Variants in ATP6V1C2 observed in about 807,000 individuals in gnomAD.
ATP6V1C2 encodes the protein ATPase H+ transporting V1 subunit C2.
A neutral mutation model predicts 56.8 loss-of-function variants in ATP6V1C2; 45 were observed. The observed-to-expected ratio is 0.79, with a 90% confidence interval of 0.62 to 1.02. ATP6V1C2 has a LOEUF of 1.02. Ranked by LOEUF, ATP6V1C2 falls within the 50% of genes least tolerant of loss-of-function variation. ATP6V1C2 has a pLI of 0.00. For synonymous variants in ATP6V1C2, 220 were observed against 201.3 expected (o/e 1.09, Z -0.79); for missense variants, 463 against 519.7 (o/e 0.89, Z 1.06).
At chr2:10,727,094 G>A (rs1661687681) in intron 3 of ATP6V1C2, among the ~76,000 whole-genome samples, 1 of 136,078 alleles carries the variant, frequency 7.3e-6, no homozygotes, top group African/African-American at 2.9e-5. Context: ...TTTTGAGACA[G>A]AGTCTCACTC....
At chr2:10,738,993 C>T (rs957681193) in intron 3 of ATP6V1C2, among the ~76,000 whole-genome samples, 17 of 152,324 alleles carry the variant, frequency 1.1e-4, no homozygotes, top group African/African-American at 3.4e-4. Flanking sequence ...AGTTGTCTCC[C>T]GTTTCCCTTT....
chr2:10,758,908 C>T (rs1663719207), intron 4 of ATP6V1C2, among the ~76,000 whole-genome samples: 1 of 152,130 alleles, frequency 6.6e-6, no homozygotes, highest in African/African-American at 2.4e-5. Context: ...ACCTTGTGAT[C>T]CGCCCGTCTC....
intron 4 of ATP6V1C2, 129 bp downstream of exon 4, chr2:10,754,195 A>G: frequency 4.5e-6 from 3 of 673,936 alleles, no homozygotes; most frequent in East Asian, 2.8e-5. Context: ...GGATTGACAC[A>G]TTGGGCAGAG....
rs576908647 is a variant in ATP6V1C2, at chr2:10,754,918, A to G, written c.283+852A>G. Among the ~76,000 whole-genome samples, 224 of 151,594 alleles carry G rather than the reference A, an allele frequency of 1.5e-3. 1 individual carries two copies. Among genetic ancestry groups the G allele is most frequent in the African/African-American group, 5.3e-3 (218 of 41,384 alleles). ...TGAGACGTGGTCTTGCCCAGGCTGG[A>G]GTGCAGTGGTGTGATCATAGCTCAC... On this transcript the variant is annotated intron_variant, in intron 4 of 13. Coordinates refer to ENST00000272238, the MANE Select transcript of ATP6V1C2 (RefSeq NM_001039362.2).
intron 10 of ATP6V1C2, 151 bp downstream of exon 10, chr2:10,775,222 C>T (rs1285887739): frequency 4.5e-6 from 3 of 665,924 alleles, no homozygotes; most frequent in Admixed American, 5.4e-5. Flanking sequence ...CATGGGACGC[C>T]TGAGCAGGGT....
intron 3 of ATP6V1C2, among the ~76,000 whole-genome samples, chr2:10,745,866 A>G (rs981663474): frequency 3.9e-5 from 6 of 152,212 alleles, no homozygotes; most frequent in Admixed American, 3.3e-4. Context: ...ATGAAATCAT[A>G]TAGTGTTTGA....
chr2:10,782,563 T>C (rs1665433824), intron 13 of ATP6V1C2, among the ~76,000 whole-genome samples, 188 bp downstream of exon 13: 1 of 152,048 alleles, frequency 6.6e-6, no homozygotes, highest in Non-Finnish European at 1.5e-5. Flanking sequence ...CTGGGCATAG[T>C]GGCTCACGCC....
intron 3 of ATP6V1C2, among the ~76,000 whole-genome samples, chr2:10,730,608 T>G (rs199595460): frequency 2.0e-3 from 30 of 15,272 alleles, no homozygotes; most frequent in African/African-American, 2.7e-3. Flanking sequence ...TCACAGTGGG[T>G]TTTTTTTTTT....
rs1346684390 is a variant in ATP6V1C2 at position 10,784,756 on chromosome 2, CACTTAA to C, written c.*1498_*1503del. On this transcript the variant is annotated 3_prime_UTR_variant, in exon 14 of 14. Transcript: ENST00000272238. ...GTCAAGAGTATCAAATGCCATGCAGCACTTAAACTTGTGATAAGGAAGATGAAGGGT... is the reference window on the plus strand; with the variant it reads ...GTCAAGAGTATCAAATGCCATGCAGCACTTGTGATAAGGAAGATGAAGGGT... 4 of 575,566 alleles carry C rather than the reference CACTTAA, an allele frequency of 6.9e-6. No individual in the cohort carries two copies. The highest frequency in any genetic ancestry group is 1.2e-5 in the Non-Finnish European group (4 of 324,894). 35.7% of individuals were successfully genotyped at this position (575,566 alleles called of 1,614,324 possible). A position where few individuals can be genotyped will look rare whatever the true frequency, so the allele number is the denominator to read the frequency against.
intron 1 of ATP6V1C2, among the ~76,000 whole-genome samples, chr2:10,722,046 C>T (rs1661395509): frequency 6.6e-6 from 1 of 152,216 alleles, no homozygotes; most frequent in African/African-American, 2.4e-5. Flanking sequence ...GTCTCTGGCT[C>T]CTCAGAGCTT....
At chr2:10,749,782 C>G (rs1663110612) in intron 3 of ATP6V1C2, among the ~76,000 whole-genome samples, 1 of 152,086 alleles carries the variant, frequency 6.6e-6, no homozygotes, top group Non-Finnish European at 1.5e-5. Context: ...ATCCAGGCAA[C>G]TTATTTTTTA....
chr2:10,773,902 G>A (rs1664790667), intron 8 of ATP6V1C2, among the ~76,000 whole-genome samples: 1 of 152,214 alleles, frequency 6.6e-6, no homozygotes, highest in Non-Finnish European at 1.5e-5. Context: ...CAAGGAACAG[G>A]ACAATCACAG....
intron 7 of ATP6V1C2, 86 bp from the exon 8 acceptor site, chr2:10,772,456 A>G: frequency 8.7e-7 from 1 of 1,155,088 alleles, no homozygotes; most frequent in South Asian, 1.2e-5. Flanking sequence ...GGCCTTCAGG[A>G]AAAGGGGTGT....
At position 10,783,948 on chromosome 2, in the gene ATP6V1C2, G is replaced by GAAAC. The variant is rs1338445730; in HGVS notation, c.*687_*690dup. ...CACATTAAAAAAAACCCATACATAAGAAACAGCCTCCAAGAACATTCAAGC... is the reference window on the plus strand; with the variant it reads ...CACATTAAAAAAAACCCATACATAAGAAACAAACAGCCTCCAAGAACATTCAAGC... On this transcript the variant is annotated 3_prime_UTR_variant, in exon 14 of 14. Coordinates refer to ENST00000272238, the MANE Select transcript of ATP6V1C2 (RefSeq NM_001039362.2). 1 of 218,386 alleles carries GAAAC rather than the reference G, an allele frequency of 4.6e-6. No individual in the cohort carries two copies. The highest frequency in any genetic ancestry group is 8.9e-6 in the Non-Finnish European group (1 of 111,806). 13.5% of individuals were successfully genotyped at this position (218,386 alleles called of 1,614,324 possible).
chr2:10,772,192 T>G (rs1266475602), intron 7 of ATP6V1C2, among the ~76,000 whole-genome samples: 4 of 152,230 alleles, frequency 2.6e-5, no homozygotes, highest in Non-Finnish European at 5.9e-5. Context: ...GACATTATTT[T>G]ATTTCATCCT....
intron 7 of ATP6V1C2, 107 bp from the exon 8 acceptor site, chr2:10,772,435 G>T: frequency 2.1e-6 from 2 of 944,208 alleles, no homozygotes; most frequent in Non-Finnish European, 3.5e-6. Context: ...CCCCATCCCT[G>T]CTCACCTTCA....
At chr2:10,762,145 ATT>A (rs569224455) in intron 4 of ATP6V1C2, among the ~76,000 whole-genome samples, 19 of 139,684 alleles carry the variant, frequency 1.4e-4, no homozygotes, top group Non-Finnish European at 1.2e-4. Context: ...TGAAGCATAA[ATT>A]TTTTTTTTTT....
intron 2 of ATP6V1C2, 113 bp downstream of exon 2, chr2:10,723,091 G>T: frequency 7.5e-7 from 1 of 1,328,964 alleles, no homozygotes; most frequent in Non-Finnish European, 1.0e-6. Flanking sequence ...GCAAAGCAGG[G>T]GCTCTGAGGA....
chr2:10,726,651 C>A, intron 3 of ATP6V1C2, 82 bp downstream of exon 3: 1 of 1,315,540 alleles, frequency 7.6e-7, no homozygotes. Flanking sequence ...TTTGGCTGAA[C>A]CGGAGTATGG....
Sources: allele counts gnomAD v4.1 joint callset (sites outside exome capture counted in the v4.1 genomes callset), GRCh38; gene constraint gnomAD v4.1.1; transcripts MANE v1.5; gene names NCBI Gene and HGNC (gene_info 2026-07-23, HGNC 2026-07-21).